PIK3R4: variants seen among roughly 807,000 people sequenced by gnomAD.
PIK3R4 encodes the protein phosphoinositide 3-kinase regulatory subunit 4.
PIK3R4 carries 46 observed loss-of-function variants against 136.5 expected under a neutral mutation model. That is an observed-to-expected ratio of 0.34 (90% CI 0.27 to 0.43). The LOEUF is 0.43. PIK3R4 is among the 20% of genes least tolerant of loss of function. PIK3R4 has a pLI of 1.00. For missense variants in PIK3R4, 1,331 were observed against 1,649.5 expected (o/e 0.81, Z 3.35); for synonymous variants, 557 against 566.7 (o/e 0.98, Z 0.24).
At chr3:130,745,349 C>A in intron 1 of PIK3R4, 85 bp from the exon 2 acceptor site, 1 of 923,030 alleles carries the variant, frequency 1.1e-6, no homozygotes, top group Non-Finnish European at 1.6e-6. Flanking sequence ...TGGTCTCTTC[C>A]AAAAAGACAG....
At chr3:130,695,516 G>A (rs1165213485) in intron 13 of PIK3R4, among the ~76,000 whole-genome samples, 3 of 152,076 alleles carry the variant, frequency 2.0e-5, no homozygotes, top group Non-Finnish European at 4.4e-5. Flanking sequence ...CTCCTGCCCA[G>A]GACTTTAATC....
chr3:130,694,076 G>C (rs1011222217), intron 13 of PIK3R4, among the ~76,000 whole-genome samples: 3 of 151,900 alleles, frequency 2.0e-5, no homozygotes, highest in African/African-American at 7.3e-5. Context: ...ATGTACTTCT[G>C]CATGTCAGTT....
intron 9 of PIK3R4, among the ~76,000 whole-genome samples, chr3:130,711,607 T>C (rs1028123173): frequency 1.3e-5 from 2 of 152,218 alleles, no homozygotes; most frequent in African/African-American, 4.8e-5. Context: ...GACCTCTTAA[T>C]ATACACAAAG....
chr3:130,701,685 T>C (rs2066575811), intron 13 of PIK3R4, among the ~76,000 whole-genome samples: 2 of 152,266 alleles, frequency 1.3e-5, no homozygotes, highest in Middle Eastern at 3.4e-3. Context: ...TCAGAACTCA[T>C]GGAATGGTTC....
At chr3:130,725,862 G>A (rs958355861) in intron 6 of PIK3R4, 1 of 151,992 alleles carries the variant, frequency 6.6e-6, no homozygotes, top group Non-Finnish European at 1.5e-5. Context: ...TGATAGTTAA[G>A]CTAAGAAATA....
At position 130,716,547 on chromosome 3, in the gene PIK3R4, G is replaced by A; in HGVS notation, c.2180C>T (p.Ser727Phe). ...LSVLKEPVSRSIFDYALRSKD... is the reference protein window; with the variant it reads ...LSVLKEPVSRFIFDYALRSKD... ...AGACCTCAAAGCATAATCAAATATA[G>A]AACGACTTACTGGTTCCTTTAAAAC... Residue 727 changes from serine to phenylalanine, a missense_variant, in exon 9 of 20, where the codon TCT (serine) becomes TTT (phenylalanine). Transcript: ENST00000356763. 1.2e-6 allele frequency: 2 copies of A among 1,613,824 alleles called. No homozygotes were observed. Among genetic ancestry groups the A allele is most frequent in the South Asian group, 2.2e-5 (2 of 91,062 alleles).
chr3:130,738,344 G>T (rs560281158), intron 2 of PIK3R4, among the ~76,000 whole-genome samples: 3 of 152,144 alleles, frequency 2.0e-5, no homozygotes, highest in South Asian at 4.1e-4. Flanking sequence ...TTACTGGGAT[G>T]TAACTCCGTT....
chr3:130,681,480 T>TGAA lies in PIK3R4; in HGVS notation c.3708+8_3708+10dup, dbSNP rs778064424. On this transcript the variant is annotated intron_variant, in intron 17 of 19. Coordinates refer to ENST00000356763, the MANE Select transcript of PIK3R4 (RefSeq NM_014602.3). ...TAATATCATCCTTTACAGTAAAAAC[T>TGAA]GAAGTCAAACCTGTAATTCAGAAAG... is the stretch of plus-strand genomic sequence containing the variant. The TGAA allele has an allele frequency of 1.3e-6, 2 of 1,519,608 alleles. No individual in the cohort carries two copies. Among genetic ancestry groups the TGAA allele is most frequent in the Middle Eastern group, 1.7e-4 (1 of 5,884 alleles). The allele number at this position is 1,519,608 out of a possible 1,614,324, so 94.1% of individuals were successfully genotyped here.
intron 4 of PIK3R4, 74 bp from the exon 5 acceptor site, chr3:130,730,516 T>C: frequency 9.6e-7 from 1 of 1,043,880 alleles, no homozygotes; most frequent in Non-Finnish European, 1.3e-6. Flanking sequence ...TTTTCCTCCC[T>C]GTCTTTATAC....
intron 13 of PIK3R4, among the ~76,000 whole-genome samples, chr3:130,699,042 C>T (rs1431298235): frequency 6.6e-6 from 1 of 152,200 alleles, no homozygotes; most frequent in East Asian, 1.9e-4. Flanking sequence ...TCAAAGCCAG[C>T]CAGACATGAG....
intron 13 of PIK3R4, among the ~76,000 whole-genome samples, chr3:130,702,783 A>G (rs1012523590): frequency 2.6e-5 from 4 of 152,256 alleles, no homozygotes; most frequent in African/African-American, 9.6e-5. Flanking sequence ...TATTAAAATC[A>G]CATCATGCAT....
intron 13 of PIK3R4, among the ~76,000 whole-genome samples, chr3:130,700,156 C>T (rs2066567512): frequency 6.6e-6 from 1 of 152,142 alleles, no homozygotes; most frequent in Non-Finnish European, 1.5e-5. Flanking sequence ...AAAAATTTAA[C>T]TTCCTAAGAT....
chr3:130,680,955 T>C, intron 18 of PIK3R4, 22 bp downstream of exon 18: 1 of 1,196,324 alleles, frequency 8.4e-7, no homozygotes, highest in Non-Finnish European at 1.2e-6. Context: ...ATCCATTTTA[T>C]TAAAGTATTG....
chr3:130,705,794 A>T (rs911055591), intron 11 of PIK3R4, 23 bp from the exon 12 acceptor site: 1 of 1,410,262 alleles, frequency 7.1e-7, no homozygotes, highest in Non-Finnish European at 1.0e-6. Flanking sequence ...TAGAATTCTA[A>T]CTATTTACGT....
chr3:130,683,512 A>G lies in PIK3R4; in HGVS notation c.3607+738T>C, dbSNP rs1190386117. ...AAGTATTTGAAAATAACAGAAATCA[A>G]CTGATCAAATGATAAGTCAAATAAG... On this transcript the variant is annotated intron_variant, in intron 16 of 19. Coordinates refer to ENST00000356763, the MANE Select transcript of PIK3R4 (RefSeq NM_014602.3). 2.6e-5 allele frequency among the ~76,000 whole-genome samples: 4 copies of G among 152,126 alleles called. No individual in the cohort carries two copies. In the East Asian group the frequency reaches 7.7e-4, roughly 29 times the overall value.
rs775493247 is a variant in PIK3R4 at position 130,723,597 on chromosome 3, A to G, written c.1808-10T>C. The G allele has an allele frequency of 2.5e-6, 4 of 1,609,608 alleles. No homozygotes were observed. The highest frequency in any genetic ancestry group is 2.5e-6 in the Non-Finnish European group (3 of 1,178,478). Reference sequence around the variant, plus strand: ...ACATAGGCAGCAACACCTGGAAATGAAAAGCAATATTATGTGATTATTCAA... The same window carrying G: ...ACATAGGCAGCAACACCTGGAAATGGAAAGCAATATTATGTGATTATTCAA... On this transcript the variant is annotated splice_polypyrimidine_tract_variant and intron_variant, in intron 6 of 19. Coordinates refer to ENST00000356763, the MANE Select transcript of PIK3R4 (RefSeq NM_014602.3).
chr3:130,743,827 G>T (rs1271225494), intron 2 of PIK3R4, among the ~76,000 whole-genome samples: 1 of 152,160 alleles, frequency 6.6e-6, no homozygotes, highest in African/African-American at 2.4e-5. Flanking sequence ...CCATGCTCCA[G>T]TCAGGCCAGA....
chr3:130,682,622 G>C (rs2108514239), intron 16 of PIK3R4, among the ~76,000 whole-genome samples: 1 of 152,186 alleles, frequency 6.6e-6, no homozygotes. Context: ...TTTCAAGGTG[G>C]CCTTCTCTAC....
chr3:130,700,430 A>G (rs933848513), intron 13 of PIK3R4, among the ~76,000 whole-genome samples: 1 of 152,254 alleles, frequency 6.6e-6, no homozygotes, highest in Non-Finnish European at 1.5e-5. Flanking sequence ...AAGGTAGCAC[A>G]AGAAGAAAAC....
Sources: gnomAD v4.1 joint callset for allele counts (sites outside exome capture counted in the v4.1 genomes callset) on GRCh38, gnomAD v4.1.1 for gene constraint, MANE v1.5 for transcripts, NCBI Gene and HGNC (gene_info 2026-07-23, HGNC 2026-07-21) for gene names.